The following TSEN54 variants were observed in gnomAD, a reference collection of about 807,000 sequenced individuals.
TSEN54 encodes the protein tRNA-splicing endonuclease subunit Sen54.
A neutral mutation model predicts 61.9 loss-of-function variants in TSEN54; 55 were observed. That is an observed-to-expected ratio of 0.89 (90% CI 0.72 to 1.11). TSEN54 has a LOEUF of 1.11. Among genes scored for constraint, TSEN54 ranks in the 50% most tolerant of loss-of-function variants. The pLI is 0.00. For missense variants in TSEN54, 760 were observed against 687.7 expected (o/e 1.11, Z -1.18); for synonymous variants, 304 against 288.7 (o/e 1.05, Z -0.54).
In TSEN54 at chr17:75,524,454, G is replaced by C. The variant is rs762180678; in HGVS notation, c.*42G>C. The C allele has an allele frequency of 6.2e-7, 1 of 1,612,302 alleles. No individual in the cohort carries two copies. The highest frequency in any genetic ancestry group is 8.5e-7 in the Non-Finnish European group (1 of 1,179,708). ...AGGATGGAGCTTGCTCCGGGGGACC[G>C]GGACTGTCTGTTCTCAGGGACCATC... On this transcript the variant is annotated 3_prime_UTR_variant, in exon 11 of 11. Transcript: ENST00000333213.
Position 75,524,475 on chromosome 17 carries a change from C to A in TSEN54, c.*63C>A, listed in dbSNP as rs550226252. 22 of 1,603,784 alleles carry A rather than the reference C, an allele frequency of 1.4e-5. No individual in the cohort carries two copies. Among genetic ancestry groups the A allele is most frequent in the East Asian group, 1.1e-4 (5 of 44,820 alleles). On this transcript the variant is annotated 3_prime_UTR_variant, in exon 11 of 11. Coordinates refer to ENST00000333213, the MANE Select transcript of TSEN54 (RefSeq NM_207346.3). ...GACCGGGACTGTCTGTTCTCAGGGA[C>A]CATCTCGGCTGCCTCCTGTACCCAG... is the stretch of plus-strand genomic sequence containing the variant.
chr17:75,523,556 C>T, intron 9 of TSEN54, 107 bp from the exon 10 acceptor site: 6 of 1,611,928 alleles, frequency 3.7e-6, no homozygotes, highest in Non-Finnish European at 5.1e-6. Flanking sequence ...CCTCAAGTGG[C>T]ACCTCTGTGA....
intron 8 of TSEN54, chr17:75,522,604 C>A (rs949818512): frequency 7.7e-7 from 1 of 1,298,340 alleles, no homozygotes; most frequent in African/African-American, 1.5e-5. Flanking sequence ...ATGGCTTTGC[C>A]ACCAACTAGC....
In TSEN54 at chr17:75,524,353, G is replaced by A. The variant is rs2053477029; in HGVS notation, c.1522G>A (p.Gly508Ser). ...TCTGATCTTTGCCCTGGTGGATCAT[G>A]GTGACATCTCCTTCTACAGCTTCAG... is the stretch of plus-strand genomic sequence containing the variant. ...VPLIFALVDH[G>S]DISFYSFRDF... is the part of the protein sequence containing the mutation. Residue 508 changes from glycine (G) to serine (S), a missense_variant, in exon 11 of 11, where the codon GGT becomes AGT. This residue lies in a region of TSEN54 where 83 missense variants were observed against 82.9 expected (regional missense o/e 1.00). Transcript: ENST00000333213. 6.2e-7 allele frequency: 1 copy of A among 1,614,152 alleles called. No homozygotes were observed. Among genetic ancestry groups the A allele is most frequent in the Non-Finnish European group, 8.5e-7 (1 of 1,180,022 alleles).
At chr17:75,521,013 C>T (rs185418120) in intron 6 of TSEN54, among the ~76,000 whole-genome samples, 37 of 150,170 alleles carry the variant, frequency 2.5e-4, no homozygotes, top group Non-Finnish European at 5.0e-4. Context: ...GCTGCAGTGA[C>T]GGGGCTGTGT....
intron 6 of TSEN54, among the ~76,000 whole-genome samples, chr17:75,521,102 T>A (rs1180274433): frequency 2.0e-5 from 3 of 146,474 alleles, no homozygotes; most frequent in Non-Finnish European, 4.5e-5. Context: ...GAAAAAAATA[T>A]ATGGAGAGAG....
intron 6 of TSEN54, among the ~76,000 whole-genome samples, chr17:75,519,828 C>T (rs535155549): frequency 6.6e-6 from 1 of 152,190 alleles, no homozygotes. Flanking sequence ...CCGCCTCAGC[C>T]TCCCAAAGTG....
At chr17:75,523,575 C>G (rs2053455685) in intron 9 of TSEN54, 88 bp from the exon 10 acceptor site, 18 of 1,613,232 alleles carry the variant, frequency 1.1e-5, no homozygotes, top group East Asian at 2.2e-5. Context: ...GAGGCTGCTT[C>G]CTGGAACTGG....
Position 75,522,201 on chromosome 17 carries a change from C to G in TSEN54, c.1120C>G (p.Arg374Gly), listed in dbSNP as rs201351319. Residue 374 changes from arginine (R) to glycine (G), a missense_variant, in exon 8 of 11, where the codon CGG (arginine) becomes GGG (glycine). Physicochemically the swap from Arg to Gly is moderately radical, Grantham distance 125. This residue lies in a region of TSEN54 where 667 missense variants were observed against 577.8 expected (regional missense o/e 1.15). Coordinates refer to ENST00000333213, the MANE Select transcript of TSEN54 (RefSeq NM_207346.3). ...TGTCAACGCCGATCCCGAGGTGCAG[C>G]GGTGCTCCAGCTGGCGGGAGTACAA... ...EDVNADPEVQ[R>G]CSSWREYKEL... is the part of the protein sequence containing the mutation. 829 of 1,550,704 alleles carry G rather than the reference C, an allele frequency of 5.3e-4. 7 individuals carry two copies. The African/African-American group carries it at 0.01, about 19-fold the overall frequency.
chr17:75,521,667 C>T (rs763901956), intron 7 of TSEN54, 38 bp from the exon 8 acceptor site: 1 of 1,606,262 alleles, frequency 6.2e-7, no homozygotes, highest in Admixed American at 1.7e-5. Flanking sequence ...CCTTAGCAAC[C>T]AGGGGCAGAT....
Position 75,524,438 on chromosome 17 carries a change from C to T in TSEN54, c.*26C>T, listed in dbSNP as rs1035863786. 19 of 1,613,788 alleles carry T rather than the reference C, an allele frequency of 1.2e-5. No homozygotes were observed. The highest frequency in any genetic ancestry group is 1.4e-5 in the Non-Finnish European group (17 of 1,179,986). ...CCTCACAGCTCTGCAGAGGATGGAGCTTGCTCCGGGGGACCGGGACTGTCT... is the reference window on the plus strand; with the variant it reads ...CCTCACAGCTCTGCAGAGGATGGAGTTTGCTCCGGGGGACCGGGACTGTCT... On this transcript the variant is annotated 3_prime_UTR_variant, in exon 11 of 11. Coordinates refer to ENST00000333213, the MANE Select transcript of TSEN54 (RefSeq NM_207346.3).
In TSEN54 at chr17:75,522,018, A is replaced by T. The variant is rs1568003413; in HGVS notation, c.937A>T (p.Thr313Ser). The T allele has an allele frequency of 2.5e-6, 4 of 1,596,430 alleles. No homozygotes were observed. In the Admixed American group the frequency reaches 6.9e-5, roughly 28 times the overall value. The change falls in exon 8 of 11, where the codon ACC becomes TCC. Residue 313 changes from threonine (T) to serine (S), a missense_variant. Transcript: ENST00000333213. ...FPNMASDSRH[T>S]LLRAPAPELL... ...CAACATGGCTTCAGACAGCCGCCAC[A>T]CCCTTCTGCGCGCCCCAGCCCCAGA... is the stretch of plus-strand genomic sequence containing the variant.
Position 75,522,360 on chromosome 17 carries a change from G to A in TSEN54, c.1252+27G>A, listed in dbSNP as rs982730643. On this transcript the variant is annotated intron_variant, in intron 8 of 10. Coordinates refer to ENST00000333213, the MANE Select transcript of TSEN54 (RefSeq NM_207346.3). ...TACCCCCTCAGCCTGCCACATCTTC[G>A]AGGGCCACTGGCAGCTGAGGAATCA... 4 of 1,542,408 alleles carry A rather than the reference G, an allele frequency of 2.6e-6. No individual in the cohort carries two copies. In the Admixed American group the frequency reaches 5.9e-5, roughly 23 times the overall value.
Position 75,516,661 on chromosome 17 carries a change from A to G in TSEN54, c.56+45A>G, listed in dbSNP as rs949464333. 60 of 1,187,320 alleles carry G rather than the reference A, an allele frequency of 5.1e-5. No individual in the cohort carries two copies. In the East Asian group the frequency reaches 8.5e-4, roughly 17 times the overall value. 73.5% of individuals were successfully genotyped at this position (1,187,320 alleles called of 1,614,324 possible). On this transcript the variant is annotated intron_variant, in intron 1 of 10. Transcript: ENST00000333213. ...GAGTGGGTGTCGGGGGCGCGGGGCC[A>G]GCGCGGGTAGGGAAACCGGCGCCCG...
At chr17:75,520,053 G>C (rs926267422) in intron 6 of TSEN54, among the ~76,000 whole-genome samples, 1 of 152,132 alleles carries the variant, frequency 6.6e-6, no homozygotes, top group African/African-American at 2.4e-5. Flanking sequence ...ATTTAGTGAG[G>C]AGTCACACAG....
rs2053445133 is a variant in TSEN54 at position 75,523,042 on chromosome 17, G to A, written c.1253-233G>A. The A allele has an allele frequency of 1.1e-5, 6 of 528,086 alleles. 1 individual carries two copies. The South Asian group carries it at 1.2e-4, about 10-fold the overall frequency. The allele number at this position is 528,086 out of a possible 1,614,324, so 32.7% of individuals were successfully genotyped here. A position where few individuals can be genotyped will look rare whatever the true frequency, so the allele number is the denominator to read the frequency against. The stretch of plus-strand genomic sequence containing the variant: ...AAAAATACAAAAATTAGCCGGGTGT[G>A]GTGGTGCACACTTATAATCCCAGCT... On this transcript the variant is annotated intron_variant, in intron 8 of 10. Transcript: ENST00000333213.
intron 10 of TSEN54, 69 bp downstream of exon 10, chr17:75,523,848 C>G (rs1363916749): frequency 6.6e-7 from 1 of 1,524,912 alleles, no homozygotes; most frequent in Admixed American, 1.8e-5. Context: ...AGTGGGACTC[C>G]TCTGTACTCC....
At position 75,524,576 on chromosome 17, in the gene TSEN54, C is replaced by A; in HGVS notation, c.*164C>A. On this transcript the variant is annotated 3_prime_UTR_variant, in exon 11 of 11. Transcript: ENST00000333213. Reference sequence around the variant, plus strand: ...TGATACTCACAGAGTGAAACTGTGACCCTCTCCCTTCCCTGCTGCCTTGCA... The same window carrying A: ...TGATACTCACAGAGTGAAACTGTGAACCTCTCCCTTCCCTGCTGCCTTGCA... 2 of 881,352 alleles carry A rather than the reference C, an allele frequency of 2.3e-6. No homozygotes were observed. The highest frequency in any genetic ancestry group is 3.7e-6 in the Non-Finnish European group (2 of 543,192). The allele number at this position is 881,352 out of a possible 1,614,324, so 54.6% of individuals were successfully genotyped here. A position where few individuals can be genotyped will look rare whatever the true frequency, so the allele number is the denominator to read the frequency against.
chr17:75,517,245 G>C lies in TSEN54; in HGVS notation c.369+1G>C. On this transcript the variant is annotated splice_donor_variant, in intron 4 of 10. Transcript: ENST00000333213. LOFTEE classifies it high-confidence loss of function. ...AGAGGCCTTGTATCTTCTGGAGTGT[G>C]TAAGTGGGGCCCGGGAGGTGGGGAA... The C allele has an allele frequency of 6.3e-7, 1 of 1,593,092 alleles. No individual in the cohort carries two copies. Among genetic ancestry groups the C allele is most frequent in the Non-Finnish European group, 8.5e-7 (1 of 1,170,052 alleles).
Sources: allele counts gnomAD v4.1 joint callset (sites outside exome capture counted in the v4.1 genomes callset), GRCh38; gene constraint gnomAD v4.1.1; regional missense constraint gnomAD v4.1.1; transcripts MANE v1.5; gene names NCBI Gene and HGNC (gene_info 2026-07-23, HGNC 2026-07-21).